STEAP3: variants seen among roughly 807,000 people sequenced by gnomAD.
STEAP3 encodes the protein metalloreductase STEAP3.
A neutral mutation model predicts 34.9 loss-of-function variants in STEAP3; 35 were observed. The observed-to-expected ratio is 1.00, with a 90% CI of 0.76 to 1.33. The LOEUF is 1.33. Among genes scored for constraint, STEAP3 ranks in the 40% most tolerant of loss-of-function variants. The pLI is 0.00. For synonymous variants in STEAP3, 281 were observed against 301.6 expected, an observed-to-expected ratio of 0.93 and a Z score of 0.71; for missense variants, 652 against 667.6, an observed-to-expected ratio of 0.98 and a Z score of 0.26.
intron 2 of STEAP3, among the ~76,000 whole-genome samples, chr2:119,240,493 G>A (rs1453531330): frequency 6.6e-6 from 1 of 152,246 alleles, no homozygotes; most frequent in Non-Finnish European, 1.5e-5. Context: ...TCTGAAAGGT[G>A]ATCGGTGTCC....
At chr2:119,244,857 A>G (rs1677360973) in intron 2 of STEAP3, 1 of 151,886 alleles carries the variant, frequency 6.6e-6, no homozygotes, top group African/African-American at 2.5e-5. Flanking sequence ...CTGCCCTCAG[A>G]GATCAAGGTT....
chr2:119,250,418 G>A (rs1355343669), intron 4 of STEAP3, among the ~76,000 whole-genome samples: 1 of 152,184 alleles, frequency 6.6e-6, no homozygotes, highest in Non-Finnish European at 1.5e-5. Flanking sequence ...GCCCTGATGT[G>A]TAGATCAAGC....
In STEAP3 at chr2:119,231,004, G is replaced by T; in HGVS notation, c.-9G>T. On this transcript the variant is annotated 5_prime_UTR_variant, in exon 2 of 6. Transcript: ENST00000393110. The stretch of plus-strand genomic sequence containing the variant: ...TGACCTGAGAGCCTCAGACCCTCAC[G>T]TCAGCCGGATGTCGCACCAGCCTGC... 1 of 1,614,204 alleles carries T rather than the reference G, an allele frequency of 6.2e-7. No homozygotes were observed. Among genetic ancestry groups the T allele is most frequent in the Non-Finnish European group, 8.5e-7 (1 of 1,180,050 alleles).
At chr2:119,256,752 C>A (rs1677785334) in intron 5 of STEAP3, among the ~76,000 whole-genome samples, 2 of 152,160 alleles carry the variant, frequency 1.3e-5, no homozygotes, top group African/African-American at 4.8e-5. Flanking sequence ...GGAGGAGGCA[C>A]ATGTCAGCGG....
chr2:119,254,248 C>G (rs143404486), intron 4 of STEAP3, among the ~76,000 whole-genome samples: 1 of 151,892 alleles, frequency 6.6e-6, no homozygotes, highest in South Asian at 2.1e-4. Context: ...ATTCTGGGGC[C>G]GGAAAACCGT....
At chr2:119,236,276 T>A (rs1380844974) in intron 2 of STEAP3, among the ~76,000 whole-genome samples, 2 of 152,312 alleles carry the variant, frequency 1.3e-5, no homozygotes, top group South Asian at 4.1e-4. Context: ...ATTTGTCTCA[T>A]ATAATCCTTG....
At chr2:119,253,389 T>G (rs1354014936) in intron 4 of STEAP3, among the ~76,000 whole-genome samples, 1 of 152,204 alleles carries the variant, frequency 6.6e-6, no homozygotes, top group Non-Finnish European at 1.5e-5. Flanking sequence ...TTCTTTAAAC[T>G]TTCTCTTATA....
Position 119,254,777 on chromosome 2 carries a change from TC to T in STEAP3, c.1147del (p.Leu383CysfsTer4). 6.2e-7 allele frequency: 1 copy of T among 1,614,184 alleles called. No homozygotes were observed. Among genetic ancestry groups the T allele is most frequent in the Non-Finnish European group, 8.5e-7 (1 of 1,180,034 alleles). ...SLGVLALGTL[S>X]LLAVTSLPSI... is the part of the protein sequence containing the mutation. ...GGGAGTGCTGGCCCTCGGCACGTTG[TC>T]CCTGCTGGCCGTGACCTCACTGCCG... On this transcript the variant is annotated frameshift_variant, in exon 5 of 6. Transcript: ENST00000393110. LOFTEE classifies it high-confidence loss of function.
intron 5 of STEAP3, among the ~76,000 whole-genome samples, chr2:119,258,097 C>T (rs1677827850): frequency 6.6e-6 from 1 of 152,164 alleles, no homozygotes; most frequent in African/African-American, 2.4e-5. Context: ...AAAGGGATGG[C>T]AATTCCCAGA....
chr2:119,258,733 A>C (rs1573581102), intron 5 of STEAP3, among the ~76,000 whole-genome samples: 1 of 146,648 alleles, frequency 6.8e-6, no homozygotes, highest in African/African-American at 2.5e-5. Context: ...TCAGCCTCCC[A>C]AGTAGCTGGG....
chr2:119,235,394 G>A (rs1677066062), intron 2 of STEAP3, among the ~76,000 whole-genome samples: 1 of 152,164 alleles, frequency 6.6e-6, no homozygotes, highest in Non-Finnish European at 1.5e-5. Context: ...GCTGGGAGCT[G>A]GGCCAACTGT....
intron 5 of STEAP3, chr2:119,257,818 C>T: frequency 2.9e-6 from 3 of 1,046,664 alleles, no homozygotes; most frequent in Non-Finnish European, 3.7e-6. Context: ...CTTGAGGGGC[C>T]TTGGCTGACC....
intron 2 of STEAP3, among the ~76,000 whole-genome samples, chr2:119,244,053 C>T (rs1387792794): frequency 1.3e-5 from 2 of 152,116 alleles, no homozygotes; most frequent in African/African-American, 2.4e-5. Flanking sequence ...TTACATGCAC[C>T]AGACAAAATA....
intron 2 of STEAP3, among the ~76,000 whole-genome samples, chr2:119,237,429 G>T (rs1677123784): frequency 6.6e-6 from 1 of 152,174 alleles, no homozygotes; most frequent in Non-Finnish European, 1.5e-5. Flanking sequence ...CTAATACAGT[G>T]AGAACTAACA....
chr2:119,250,328 G>A (rs890394132), intron 4 of STEAP3, among the ~76,000 whole-genome samples: 8 of 152,226 alleles, frequency 5.3e-5, no homozygotes, highest in Admixed American at 2.0e-4. Context: ...GCTAGAGGCT[G>A]GACTCCTGCT....
chr2:119,234,605 C>G, intron 2 of STEAP3, among the ~76,000 whole-genome samples: 1 of 152,224 alleles, frequency 6.6e-6, no homozygotes, highest in African/African-American at 2.4e-5. Flanking sequence ...TGCATGGCCC[C>G]GGCGCCTTGC....
At chr2:119,244,907 C>A (rs972474130) in intron 2 of STEAP3, 3 of 153,720 alleles carry the variant, frequency 2.0e-5, no homozygotes, top group African/African-American at 4.8e-5. Context: ...ACACTGAGCA[C>A]TGCCTCCGTG....
In STEAP3 at chr2:119,230,691, T is replaced by C. The variant is rs1226390683; in HGVS notation, c.-322T>C. On this transcript the variant is annotated 5_prime_UTR_variant, in exon 2 of 6. Coordinates refer to ENST00000393110, the MANE Select transcript of STEAP3 (RefSeq NM_182915.3). ...ACCTCAGTTCCTGTAGCAAAGAGAC[T>C]TGAGTCTGAGCCACTAATTATCACC... The C allele has an allele frequency of 2.3e-5, 11 of 469,090 alleles. No individual in the cohort carries two copies. The East Asian group carries it at 4.0e-4, about 17-fold the overall frequency. 29.1% of individuals were successfully genotyped at this position (469,090 alleles called of 1,614,324 possible).
At chr2:119,262,464 T>G (rs1026346783) in intron 5 of STEAP3, among the ~76,000 whole-genome samples, 3 of 152,322 alleles carry the variant, frequency 2.0e-5, no homozygotes, top group Non-Finnish European at 4.4e-5. Flanking sequence ...AACCTTGACC[T>G]CTTGGGCTCA....
Sources: allele counts gnomAD v4.1 joint callset (sites outside exome capture counted in the v4.1 genomes callset), GRCh38; gene constraint gnomAD v4.1.1; transcripts MANE v1.5; gene names NCBI Gene and HGNC (gene_info 2026-07-23, HGNC 2026-07-21).